Variants in DEUP1 observed in about 807,000 individuals in gnomAD.
The protein encoded by DEUP1 is coiled-coil domain containing 67.
DEUP1 carries 82 observed loss-of-function variants against 87.4 expected under a neutral mutation model. That is an observed-to-expected ratio of 0.94 (90% CI 0.78 to 1.13). The LOEUF is 1.13. Ranked by LOEUF, DEUP1 falls within the 50% of genes most tolerant of loss-of-function variation. The pLI, the probability that DEUP1 is intolerant of heterozygous loss-of-function variation, is 0.00. For missense variants in DEUP1, 663 were observed against 681.5 expected, an observed-to-expected ratio of 0.97 and a Z score of 0.30; for synonymous variants, 214 against 222.7, an observed-to-expected ratio of 0.96 and a Z score of 0.35.
intron 13 of DEUP1, among the ~76,000 whole-genome samples, chr11:93,416,111 C>T (rs2446061): frequency 0.83 from 126,976 of 152,146 alleles, 53,096 homozygotes; most frequent in East Asian, 0.91. Flanking sequence ...TCTCAAGTAG[C>T]GTATAAGAGT....
intron 13 of DEUP1, among the ~76,000 whole-genome samples, chr11:93,420,106 A>G (rs1169220407): frequency 1.3e-5 from 2 of 152,086 alleles, no homozygotes; most frequent in Non-Finnish European, 1.5e-5. Flanking sequence ...GCAGAGACAC[A>G]ACCAAATAAG....
At chr11:93,376,929 A>G (rs2124560) in intron 7 of DEUP1, among the ~76,000 whole-genome samples, 36,887 of 152,064 alleles carry the variant, frequency 0.24, 4,807 homozygotes, top group South Asian at 0.38. Flanking sequence ...GCATGGTTTT[A>G]AGAGTTCCTT....
At chr11:93,435,821 C>G (rs1398506729) in intron 13 of DEUP1, among the ~76,000 whole-genome samples, 1 of 151,964 alleles carries the variant, frequency 6.6e-6, no homozygotes, top group African/African-American at 2.4e-5. Flanking sequence ...ATGGTGAAAC[C>G]CCGTCTCTAC....
chr11:93,404,216 C>T (rs555563568), intron 11 of DEUP1, among the ~76,000 whole-genome samples: 8 of 152,124 alleles, frequency 5.3e-5, no homozygotes, highest in East Asian at 1.9e-4. Flanking sequence ...CAGTGAGGGA[C>T]GTAGAATAGT....
At chr11:93,360,004 C>T (rs1047236215) in intron 4 of DEUP1, among the ~76,000 whole-genome samples, 1 of 152,074 alleles carries the variant, frequency 6.6e-6, no homozygotes, top group Non-Finnish European at 1.5e-5. Flanking sequence ...GGTAAGGAGG[C>T]ACCTCTCCCT....
At chr11:93,347,731 G>GTTTTGT (rs1429621907) in intron 2 of DEUP1, among the ~76,000 whole-genome samples, 4 of 151,626 alleles carry the variant, frequency 2.6e-5, no homozygotes, top group African/African-American at 9.7e-5. Flanking sequence ...TTTTGGGGGG[G>GTTTTGT]TTTTGTTTTT....
intron 13 of DEUP1, among the ~76,000 whole-genome samples, chr11:93,416,427 T>C (rs992994179): frequency 5.7e-4 from 87 of 151,902 alleles, no homozygotes; most frequent in African/African-American, 2.1e-3. Flanking sequence ...AACTAGAAAA[T>C]CCAGAAATGG....
intron 11 of DEUP1, among the ~76,000 whole-genome samples, chr11:93,406,073 A>C (rs1947268074): frequency 6.6e-6 from 1 of 151,894 alleles, no homozygotes; most frequent in Non-Finnish European, 1.5e-5. Context: ...CTATTTTTTA[A>C]AATTCTGTGA....
intron 4 of DEUP1, among the ~76,000 whole-genome samples, chr11:93,363,595 A>G (rs947322327): frequency 6.6e-6 from 1 of 151,908 alleles, no homozygotes; most frequent in Non-Finnish European, 1.5e-5. Flanking sequence ...CTATTATTTG[A>G]AGGTAGAACA....
chr11:93,405,747 A>T (rs1056628431), intron 11 of DEUP1, among the ~76,000 whole-genome samples: 1 of 151,974 alleles, frequency 6.6e-6, no homozygotes, highest in Non-Finnish European at 1.5e-5. Flanking sequence ...GCAATTAGTC[A>T]AAAATTTTAC....
intron 7 of DEUP1, among the ~76,000 whole-genome samples, chr11:93,373,714 A>C (rs1469581134): frequency 3.3e-5 from 5 of 150,422 alleles, no homozygotes; most frequent in East Asian, 3.9e-4. Context: ...GGCTGGTTCT[A>C]TATTTTTGCA....
chr11:93,435,494 T>A (rs1266173236), intron 13 of DEUP1, among the ~76,000 whole-genome samples: 1 of 152,198 alleles, frequency 6.6e-6, no homozygotes, highest in Non-Finnish European at 1.5e-5. Context: ...CTGCTACAGA[T>A]AGCATAGCCT....
At chr11:93,412,283 G>C (rs1019416306) in intron 12 of DEUP1, among the ~76,000 whole-genome samples, 3 of 152,204 alleles carry the variant, frequency 2.0e-5, no homozygotes, top group Admixed American at 1.3e-4. Flanking sequence ...GTGAAATCAC[G>C]CAGCAGCCTT....
chr11:93,393,041 C>G (rs1380808322), intron 9 of DEUP1, among the ~76,000 whole-genome samples: 3 of 149,870 alleles, frequency 2.0e-5, no homozygotes, highest in African/African-American at 7.4e-5. Context: ...CCTCCTCCTT[C>G]TACTTCTTTC....
chr11:93,418,356 C>G (rs1471187606), intron 13 of DEUP1, among the ~76,000 whole-genome samples: 1 of 152,066 alleles, frequency 6.6e-6, no homozygotes, highest in Admixed American at 6.5e-5. Flanking sequence ...ACAACCCCAT[C>G]AAAAAGTGGG....
chr11:93,437,746 C>A lies in DEUP1; in HGVS notation c.*27C>A, dbSNP rs1565360172. On this transcript the variant is annotated 3_prime_UTR_variant, in exon 14 of 14. Coordinates refer to ENST00000298050, the MANE Select transcript of DEUP1 (RefSeq NM_181645.4). Reference sequence around the variant, plus strand: ...CTTTTAAACTTTTTTATTTGCTTCCCCCCCCCACCCCCGCCAAGAAAAAAA... The same window carrying A: ...CTTTTAAACTTTTTTATTTGCTTCCACCCCCCACCCCCGCCAAGAAAAAAA... 5.7e-6 allele frequency: 6 copies of A among 1,047,242 alleles called. No individual in the cohort carries two copies. Among genetic ancestry groups the A allele is most frequent in the African/African-American group, 2.0e-5 (1 of 49,760 alleles). The allele number at this position is 1,047,242 out of a possible 1,614,324, so 64.9% of individuals were successfully genotyped here.
At chr11:93,403,676 A>G (rs1947187769) in intron 11 of DEUP1, among the ~76,000 whole-genome samples, 1 of 151,508 alleles carries the variant, frequency 6.6e-6, no homozygotes, top group Non-Finnish European at 1.5e-5. Flanking sequence ...TAATTTTATT[A>G]TTTTTAGTTT....
chr11:93,340,962 T>C (rs772316296), intron 2 of DEUP1, among the ~76,000 whole-genome samples: 1 of 152,228 alleles, frequency 6.6e-6, no homozygotes, highest in African/African-American at 2.4e-5. Context: ...TGTTTCAAGA[T>C]AGCTGAACCA....
chr11:93,412,256 T>C (rs1311238296), intron 12 of DEUP1, among the ~76,000 whole-genome samples: 1 of 152,210 alleles, frequency 6.6e-6, no homozygotes, highest in Non-Finnish European at 1.5e-5. Context: ...GCAAAGCAAC[T>C]GGGGCCTGCT....
Sources: gnomAD v4.1 joint callset for allele counts (sites outside exome capture counted in the v4.1 genomes callset) on GRCh38, gnomAD v4.1.1 for gene constraint, MANE v1.5 for transcripts, NCBI Gene and HGNC (gene_info 2026-07-23, HGNC 2026-07-21) for gene names.